MAPRE2: variants seen among roughly 807,000 people sequenced by gnomAD.
MAPRE2 encodes the protein microtubule associated protein RP/EB family member 2.
Under a neutral mutation model 43.2 loss-of-function variants are expected in MAPRE2, and 13 were observed. The ratio of observed to expected loss-of-function variants is 0.30; its 90% confidence interval spans 0.20 to 0.48. The LOEUF (loss-of-function observed/expected upper bound fraction) is 0.48, where lower values mean the gene tolerates loss of function less well. MAPRE2 is among the 20% of genes least tolerant of loss of function. The pLI is 0.99. For synonymous variants in MAPRE2, 135 were observed against 148.8 expected, an observed-to-expected ratio of 0.91 and a Z score of 0.68; for missense variants, 161 against 400.2, an observed-to-expected ratio of 0.40 and a Z score of 5.10.
chr18:35,112,919 G>A (rs914300613), intron 4 of MAPRE2, among the ~76,000 whole-genome samples: 1 of 152,240 alleles, frequency 6.6e-6, no homozygotes, highest in African/African-American at 2.4e-5. Context: ...AGTGTCTGGT[G>A]AGAGCCTGGT....
chr18:35,054,519 CT>C (rs972002239), intron 1 of MAPRE2, among the ~76,000 whole-genome samples: 3 of 152,180 alleles, frequency 2.0e-5, no homozygotes, highest in Non-Finnish European at 4.4e-5. Context: ...TCAGATGATT[CT>C]CTCTGTTCTG....
At chr18:35,016,487 T>G (rs577748953) in intron 2 of MAPRE2, among the ~76,000 whole-genome samples, 1 of 152,138 alleles carries the variant, frequency 6.6e-6, no homozygotes, top group Non-Finnish European at 1.5e-5. Flanking sequence ...GTTAACATTT[T>G]AATAATAGCT....
chr18:35,085,666 G>A (rs1482760720), intron 2 of MAPRE2, among the ~76,000 whole-genome samples: 3 of 152,202 alleles, frequency 2.0e-5, no homozygotes, highest in Non-Finnish European at 4.4e-5. Flanking sequence ...GTCATATGAA[G>A]ATGAGCATCA....
chr18:34,983,030 T>C (rs1007892163), intron 1 of MAPRE2, among the ~76,000 whole-genome samples: 2 of 152,224 alleles, frequency 1.3e-5, no homozygotes, highest in African/African-American at 4.8e-5. Context: ...AACCAAAGAC[T>C]GTATGCCCAC....
chr18:35,131,366 C>CAG (rs1418244160), intron 5 of MAPRE2, among the ~76,000 whole-genome samples: 1 of 152,198 alleles, frequency 6.6e-6, no homozygotes, highest in Non-Finnish European at 1.5e-5. Context: ...GCTGCTAGAG[C>CAG]AGAGTACTGT....
chr18:35,126,903 CTT>C, intron 4 of MAPRE2, 43 bp from the exon 5 acceptor site: 1 of 1,579,156 alleles, frequency 6.3e-7, no homozygotes, highest in Non-Finnish European at 8.7e-7. Flanking sequence ...CTAAAACACA[CTT>C]TTAATATTGC....
In MAPRE2 at chr18:35,135,666, C is replaced by T. The variant is rs140810729; in HGVS notation, c.909+3476C>T. On this transcript the variant is annotated intron_variant, in intron 6 of 6. Transcript: ENST00000300249. ...CACCACTGCCCCCATCTCTGGGAAT[C>T]CTGCCTTTGCCCCACTGTGCTTTCC... Among the ~76,000 whole-genome samples the T allele has an allele frequency of 2.2e-3, 338 of 152,362 alleles. 1 individual carries two copies. Among genetic ancestry groups the T allele is most frequent in the Non-Finnish European group, 3.5e-3 (235 of 68,032 alleles).
intron 1 of MAPRE2, among the ~76,000 whole-genome samples, chr18:34,990,653 T>A (rs2097023297): frequency 6.6e-6 from 1 of 152,166 alleles, no homozygotes; most frequent in Admixed American, 6.5e-5. Context: ...CTAGGGAATT[T>A]TTTTAGATGT....
At chr18:35,082,159 G>A (rs1165353337) in intron 2 of MAPRE2, 1 of 111,776 alleles carries the variant, frequency 8.9e-6, no homozygotes, top group South Asian at 3.0e-4. Context: ...GCGTAGTGGC[G>A]GGCGCCTGTA....
At chr18:35,130,679 T>C (rs1167745212) in intron 5 of MAPRE2, among the ~76,000 whole-genome samples, 1 of 152,166 alleles carries the variant, frequency 6.6e-6, no homozygotes, top group Admixed American at 6.5e-5. Context: ...CATGAAAGAC[T>C]TAATTTACCA....
chr18:35,012,810 G>A (rs1177125751), intron 2 of MAPRE2, among the ~76,000 whole-genome samples: 2 of 152,170 alleles, frequency 1.3e-5, no homozygotes, highest in African/African-American at 4.8e-5. Flanking sequence ...AAAACATTCT[G>A]GAGAAGGATG....
At chr18:35,105,079 G>A (rs950209050) in intron 4 of MAPRE2, among the ~76,000 whole-genome samples, 6 of 151,860 alleles carry the variant, frequency 4.0e-5, no homozygotes, top group Non-Finnish European at 7.4e-5. Flanking sequence ...CCTTGGCCTC[G>A]TTTTCTAGGA....
intron 1 of MAPRE2, among the ~76,000 whole-genome samples, chr18:34,977,990 G>T (rs113300220): frequency 1.9e-4 from 29 of 152,194 alleles, no homozygotes; most frequent in African/African-American, 6.3e-4. Context: ...CGTCAATACA[G>T]TGCCAAGGGC....
Position 35,034,345 on chromosome 18 carries a change from C to T in MAPRE2, c.-8+28792C>T, listed in dbSNP as rs571094689. On this transcript the variant is annotated intron_variant, in intron 2 of 7. Transcript: ENST00000413393. ...AAGCTGAAACTGGATCCCTTCCTTA[C>T]ACCTTATACAAAAATTAATTCAAGA... Among the ~76,000 whole-genome samples the T allele has an allele frequency of 3.9e-4, 59 of 152,332 alleles. 1 individual carries two copies. The East Asian group carries it at 0.011, about 28-fold the overall frequency.
In MAPRE2 at chr18:35,140,734, A is replaced by G; in HGVS notation, c.*365A>G. The stretch of plus-strand genomic sequence containing the variant: ...CCTGGTGTGAAACAATGGTAATTTG[A>G]TATATGGTATTTATATTGGCATTTT... On this transcript the variant is annotated 3_prime_UTR_variant, in exon 7 of 7. Transcript: ENST00000300249. The G allele has an allele frequency of 4.4e-6, 1 of 225,066 alleles. No individual in the cohort carries two copies. Among genetic ancestry groups the G allele is most frequent in the Admixed American group, 5.3e-5 (1 of 19,032 alleles). 13.9% of individuals were successfully genotyped at this position (225,066 alleles called of 1,614,324 possible). A position where few individuals can be genotyped will look rare whatever the true frequency, so the allele number is the denominator to read the frequency against.
intron 4 of MAPRE2, among the ~76,000 whole-genome samples, chr18:35,112,216 T>C (rs1177908840): frequency 2.6e-5 from 4 of 151,470 alleles, no homozygotes; most frequent in Non-Finnish European, 4.4e-5. Context: ...GGAGTTTCAC[T>C]GTTATTGCCC....
chr18:35,010,502 A>G (rs925674376), intron 2 of MAPRE2, among the ~76,000 whole-genome samples: 6 of 152,244 alleles, frequency 3.9e-5, no homozygotes, highest in African/African-American at 1.4e-4. Context: ...TGCATCATGG[A>G]CACTCAGAAA....
intron 3 of MAPRE2, among the ~76,000 whole-genome samples, chr18:35,098,857 A>T (rs1908546358): frequency 6.6e-6 from 1 of 152,230 alleles, no homozygotes; most frequent in South Asian, 2.1e-4. Flanking sequence ...AGTTGTTAAG[A>T]ATGTTGAAGA....
chr18:35,018,467 G>A (rs888992886), intron 2 of MAPRE2, among the ~76,000 whole-genome samples: 1 of 86,060 alleles, frequency 1.2e-5, no homozygotes, highest in Non-Finnish European at 2.8e-5. Context: ...GTGTTGTTTT[G>A]GTCTTTTTTT....
Sources: allele counts gnomAD v4.1 joint callset (sites outside exome capture counted in the v4.1 genomes callset), GRCh38; gene constraint gnomAD v4.1.1; transcripts MANE v1.5; gene names NCBI Gene and HGNC (gene_info 2026-07-23, HGNC 2026-07-21).